CFAP61: variants seen among roughly 807,000 people sequenced by gnomAD.
CFAP61 encodes cilia and flagella associated protein 61, also known as cilia- and flagella-associated protein 61.
Under a neutral mutation model 135.6 loss-of-function variants are expected in CFAP61, and 107 were observed. The ratio of observed to expected loss-of-function variants is 0.79; its 90% CI spans 0.67 to 0.93. The LOEUF (loss-of-function observed/expected upper bound fraction) is 0.93. Among genes scored for constraint, CFAP61 ranks in the 40% least tolerant of loss-of-function variants. CFAP61 has a pLI of 0.00. For synonymous variants in CFAP61, 575 were observed against 578.5 expected, an observed-to-expected ratio of 0.99 and a Z score of 0.09; for missense variants, 1,507 against 1,556.2, an observed-to-expected ratio of 0.97 and a Z score of 0.53.
rs918177331 is a variant in CFAP61, at chr20:20,290,868, C to T, written c.3216+477C>T. On this transcript the variant is annotated intron_variant, in intron 24 of 26. Coordinates refer to ENST00000245957, the MANE Select transcript of CFAP61 (RefSeq NM_015585.4). ...TTCAGGTGACTGCAGCCCCAGCCAA[C>T]ATCTTGACTGAAAACTTATGAAAGG... Among the ~76,000 whole-genome samples, 11 of 152,214 alleles carry T rather than the reference C, an allele frequency of 7.2e-5. 1 individual carries two copies. Among genetic ancestry groups the T allele is most frequent in the Admixed American group, 2.0e-4 (3 of 15,284 alleles).
At chr20:20,323,177 C>A (rs183897201) in intron 25 of CFAP61, 486 of 985,306 alleles carry the variant, frequency 4.9e-4, no homozygotes, top group Non-Finnish European at 5.7e-4. Flanking sequence ...GCCAGTATAC[C>A]TTTAAAGAGG....
intron 18 of CFAP61, among the ~76,000 whole-genome samples, chr20:20,231,775 A>G (rs1234545125): frequency 6.6e-6 from 1 of 152,202 alleles, no homozygotes; most frequent in Non-Finnish European, 1.5e-5. Context: ...CAGGGCATTG[A>G]GGAAGAAAAC....
chr20:20,149,270 C>T (rs188844203), intron 9 of CFAP61, among the ~76,000 whole-genome samples: 1 of 152,268 alleles, frequency 6.6e-6, no homozygotes, highest in Non-Finnish European at 1.5e-5. Flanking sequence ...GAAAATAAAA[C>T]TGCAGATCAG....
chr20:20,293,905 C>T (rs1221676571), intron 24 of CFAP61, among the ~76,000 whole-genome samples: 1 of 152,026 alleles, frequency 6.6e-6, no homozygotes, highest in African/African-American at 2.4e-5. Flanking sequence ...TCTTGAACAC[C>T]AAGTCTGATG....
In CFAP61 at chr20:20,169,419, C is replaced by T. The variant is rs140112883; in HGVS notation, c.1344C>T (p.Leu448=). ...VKMVPFNTCT[L]EQDLYVFHRA... ...TGGTCCCTTTCAACACCTGCACCCTCGAGCAGGACCTCTACGTCTTCCACC... is the reference window on the plus strand; with the variant it reads ...TGGTCCCTTTCAACACCTGCACCCTTGAGCAGGACCTCTACGTCTTCCACC... The change falls in exon 13 of 27, where the codon CTC becomes CTT. Residue 448 remains leucine (L), a synonymous_variant. Coordinates refer to ENST00000245957, the MANE Select transcript of CFAP61 (RefSeq NM_015585.4). 249 of 1,613,916 alleles carry T rather than the reference C, an allele frequency of 1.5e-4. No individual in the cohort carries two copies. Among genetic ancestry groups the T allele is most frequent in the Admixed American group, 1.3e-3 (77 of 60,008 alleles).
At chr20:20,242,637 C>T (rs6046750) in intron 18 of CFAP61, among the ~76,000 whole-genome samples, 14 of 152,280 alleles carry the variant, frequency 9.2e-5, no homozygotes, top group Non-Finnish European at 1.0e-4. Context: ...TCAGAAAAAC[C>T]GGTCTCTTCC....
intron 18 of CFAP61, among the ~76,000 whole-genome samples, chr20:20,243,184 C>A (rs2050146719): frequency 6.6e-6 from 1 of 152,154 alleles, no homozygotes; most frequent in Non-Finnish European, 1.5e-5. Flanking sequence ...AGGGAAATTC[C>A]TATTTTTAAA....
chr20:20,317,117 T>C (rs1157335326), intron 25 of CFAP61: 1 of 152,232 alleles, frequency 6.6e-6, no homozygotes, highest in Non-Finnish European at 1.5e-5. Context: ...CCTCAAGTGA[T>C]CTGCCTGCCT....
chr20:20,310,199 G>T (rs1157946669), intron 25 of CFAP61, among the ~76,000 whole-genome samples: 1 of 152,090 alleles, frequency 6.6e-6, no homozygotes, highest in Non-Finnish European at 1.5e-5. Context: ...TCACCATGTT[G>T]CCCAGACTGG....
chr20:20,276,412 AAT>A (rs2053769608), intron 21 of CFAP61, among the ~76,000 whole-genome samples: 2 of 152,274 alleles, frequency 1.3e-5, no homozygotes, highest in South Asian at 4.1e-4. Flanking sequence ...TCATTAATTT[AAT>A]AGTGTCATTG....
intron 22 of CFAP61, among the ~76,000 whole-genome samples, chr20:20,287,347 A>T (rs1357243357): frequency 6.6e-6 from 1 of 152,156 alleles, no homozygotes; most frequent in East Asian, 1.9e-4. Context: ...GTCCAATAGA[A>T]CCTTCTTCAA....
chr20:20,343,342 T>C (rs2058517401), intron 26 of CFAP61, among the ~76,000 whole-genome samples: 4 of 152,224 alleles, frequency 2.6e-5, no homozygotes, highest in Admixed American at 2.6e-4. Flanking sequence ...CTGTAAATCA[T>C]TTCCTAATCT....
intron 8 of CFAP61, among the ~76,000 whole-genome samples, chr20:20,099,126 TTC>T (rs1491547732): frequency 2.6e-5 from 1 of 37,996 alleles, no homozygotes; most frequent in African/African-American, 1.5e-4. Flanking sequence ...TGTTTCAGGT[TTC>T]ACACACACAC....
At chr20:20,109,967 C>T (rs1054655313) in intron 8 of CFAP61, among the ~76,000 whole-genome samples, 2 of 150,730 alleles carry the variant, frequency 1.3e-5, no homozygotes, top group African/African-American at 2.4e-5. Flanking sequence ...AGTGCAATGG[C>T]GCAATCTCGG....
chr20:20,175,748 G>A (rs1333308163), intron 13 of CFAP61, among the ~76,000 whole-genome samples: 2 of 151,742 alleles, frequency 1.3e-5, no homozygotes, highest in African/African-American at 4.8e-5. Flanking sequence ...AGCCAGGATG[G>A]TCTCAATCTC....
intron 25 of CFAP61, among the ~76,000 whole-genome samples, chr20:20,329,663 A>C (rs899702585): frequency 1.3e-5 from 2 of 152,030 alleles, no homozygotes; most frequent in African/African-American, 4.8e-5. Context: ...AGCCCCATAC[A>C]CAAGCATTTA....
intron 1 of CFAP61, among the ~76,000 whole-genome samples, chr20:20,054,427 AC>A (rs2044116297): frequency 6.6e-6 from 1 of 151,728 alleles, no homozygotes; most frequent in East Asian, 1.9e-4. Context: ...ACACACACAT[AC>A]ATACACATAT....
At chr20:20,237,860 A>T (rs2049714542) in intron 18 of CFAP61, among the ~76,000 whole-genome samples, 1 of 152,176 alleles carries the variant, frequency 6.6e-6, no homozygotes. Context: ...CCGTTTTCTG[A>T]AATTCATTTT....
chr20:20,167,737 A>G (rs1227560081), intron 12 of CFAP61, among the ~76,000 whole-genome samples: 2 of 152,170 alleles, frequency 1.3e-5, no homozygotes, highest in African/African-American at 4.8e-5. Context: ...GAGTCCTACT[A>G]ATTTGCTAAA....
Sources: allele counts gnomAD v4.1 joint callset (sites outside exome capture counted in the v4.1 genomes callset), GRCh38; gene constraint gnomAD v4.1.1; transcripts MANE v1.5; gene names NCBI Gene and HGNC (gene_info 2026-07-23, HGNC 2026-07-21).